Variants in ANGEL2 observed in about 807,000 individuals in gnomAD.
ANGEL2 encodes the protein RNA 2',3'-cyclic phosphatase ANGEL2.
Under a neutral mutation model 66.0 loss-of-function variants are expected in ANGEL2, and 41 were observed. That is an observed-to-expected ratio of 0.62 (90% confidence interval 0.48 to 0.81). The LOEUF is 0.81. Among genes scored for constraint, ANGEL2 ranks in the 30% least tolerant of loss-of-function variants. ANGEL2 has a pLI of 0.00. For missense variants in ANGEL2, 561 were observed against 641.6 expected (o/e 0.87, Z 1.36); for synonymous variants, 208 against 226.5 (o/e 0.92, Z 0.73).
At chr1:213,014,955 C>A (rs1272918335) in intron 1 of ANGEL2, among the ~76,000 whole-genome samples, 1 of 152,194 alleles carries the variant, frequency 6.6e-6, no homozygotes, top group Non-Finnish European at 1.5e-5. Context: ...AAAACATAAT[C>A]GCACATCAAA....
chr1:213,009,853 C>G (rs1162724944), intron 2 of ANGEL2, among the ~76,000 whole-genome samples: 2 of 151,676 alleles, frequency 1.3e-5, no homozygotes, highest in Non-Finnish European at 2.9e-5. Flanking sequence ...GAGTTCGAGA[C>G]CAGCCTGGCC....
At chr1:212,996,774 C>T (rs1322583840) in intron 8 of ANGEL2, among the ~76,000 whole-genome samples, 1 of 150,442 alleles carries the variant, frequency 6.6e-6, no homozygotes, top group Admixed American at 6.7e-5. Context: ...CAGGACGCCT[C>T]GGTAAAATTT....
intron 1 of ANGEL2, chr1:213,015,276 G>C (rs1178993200): frequency 2.8e-5 from 33 of 1,168,370 alleles, no homozygotes; most frequent in Non-Finnish European, 3.4e-5. Context: ...ACGGTGCTGC[G>C]GAGTGTGTGG....
At chr1:213,011,275 AGGCCTGATCAGG>A (rs2076502029) in intron 2 of ANGEL2, 2 of 1,284,522 alleles carry the variant, frequency 1.6e-6, no homozygotes, top group Non-Finnish European at 2.0e-6. Flanking sequence ...AGTAAGCAAT[AGGCCTGATCAGG>A]TTTTTAGGGT....
chr1:213,008,388 T>A lies in ANGEL2; in HGVS notation c.464A>T (p.Asp155Val). ...GTTCTCACTGTCTTCACATTTGGGA[T>A]CAACATTTTTGTCTCCTAGGATCTT... ...KTKILGDKNVDPKCEDSENKF... is the reference protein window; with the variant it reads ...KTKILGDKNVVPKCEDSENKF... Residue 155 changes from aspartate (D) to valine (V), a missense_variant, in exon 3 of 9, where the codon GAT becomes GTT. Transcript: ENST00000366962. 2 of 1,614,190 alleles carry A rather than the reference T, an allele frequency of 1.2e-6. No homozygotes were observed. Among genetic ancestry groups the A allele is most frequent in the Non-Finnish European group, 1.7e-6 (2 of 1,180,022 alleles).
chr1:213,015,449 T>A (rs2076618432), intron 1 of ANGEL2, 164 bp downstream of exon 1: 2 of 1,433,928 alleles, frequency 1.4e-6, no homozygotes, highest in South Asian at 1.5e-5. Flanking sequence ...CTATCCCGCT[T>A]GGTCTCTGGA....
At chr1:213,000,488 T>C (rs2076148196) in intron 6 of ANGEL2, 105 bp from the exon 7 acceptor site, 4 of 1,008,732 alleles carry the variant, frequency 4.0e-6, no homozygotes, top group Non-Finnish European at 5.8e-6. Context: ...GTTAGAAAGA[T>C]GCCTAGTTAC....
Position 213,015,625 on chromosome 1 carries a change from ACCACACAG to A in ANGEL2, c.39_46del (p.Cys14GlyfsTer37). ...CAGCCCTACTGACCGGCCTCTTCCC[ACCACACAG>A]TGGCCGTAGCCCTTCCTCACACAGC... On this transcript the variant is annotated frameshift_variant, in exon 1 of 9. Transcript: ENST00000366962. LOFTEE classifies it high-confidence loss of function. The A allele has an allele frequency of 6.3e-7, 1 of 1,575,256 alleles. No individual in the cohort carries two copies. The highest frequency in any genetic ancestry group is 8.6e-7 in the Non-Finnish European group (1 of 1,163,154).
intron 3 of ANGEL2, 94 bp from the exon 4 acceptor site, chr1:213,007,292 A>G (rs1217079606): frequency 1.1e-6 from 1 of 923,908 alleles, no homozygotes; most frequent in Non-Finnish European, 1.6e-6. Flanking sequence ...GCAGGCTTCT[A>G]AAATTCCACA....
intron 3 of ANGEL2, 57 bp downstream of exon 3, chr1:213,008,153 T>C: frequency 6.4e-7 from 1 of 1,559,300 alleles, no homozygotes; most frequent in East Asian, 2.3e-5. Context: ...CATGAGCCAG[T>C]GTGCCCGGCC....
intron 4 of ANGEL2, chr1:213,006,756 C>A (rs1415997382): frequency 5.4e-6 from 1 of 185,680 alleles, no homozygotes; most frequent in African/African-American, 2.4e-5. Context: ...AATTATACAC[C>A]AACACAAAAG....
At chr1:212,996,045 C>T (rs955969052) in intron 8 of ANGEL2, among the ~76,000 whole-genome samples, 10 of 152,184 alleles carry the variant, frequency 6.6e-5, no homozygotes, top group South Asian at 2.1e-4. Flanking sequence ...CAGTGGCTCA[C>T]GCCTGTAATC....
intron 2 of ANGEL2, chr1:213,011,350 A>G: frequency 2.5e-6 from 3 of 1,198,236 alleles, no homozygotes; most frequent in African/African-American, 1.6e-5. Flanking sequence ...ATACCACTTT[A>G]AAGTGATAGG....
At chr1:213,001,727 A>G (rs1026314462) in intron 5 of ANGEL2, 1 of 152,244 alleles carries the variant, frequency 6.6e-6, no homozygotes, top group African/African-American at 2.4e-5. Flanking sequence ...TTTATGTAAC[A>G]TTTAAAATCC....
Position 213,008,398 on chromosome 1 carries a change from T to C in ANGEL2, c.454A>G (p.Lys152Glu). The change falls in exon 3 of 9, where the codon AAA (lysine) becomes GAA (glutamate). Residue 152 changes from lysine to glutamate, a missense_variant. Physicochemically the swap from Lys to Glu is moderately conservative, Grantham distance 56. Transcript: ENST00000366962. ...DKEKTKILGDKNVDPKCEDSE... is the reference protein window; with the variant it reads ...DKEKTKILGDENVDPKCEDSE... ...TCTTCACATTTGGGATCAACATTTT[T>C]GTCTCCTAGGATCTTCGTTTTTTCT... is the stretch of plus-strand genomic sequence containing the variant. The C allele has an allele frequency of 6.2e-7, 1 of 1,614,162 alleles. No individual in the cohort carries two copies. The highest frequency in any genetic ancestry group is 8.5e-7 in the Non-Finnish European group (1 of 1,180,014).
At position 212,994,205 on chromosome 1, in the gene ANGEL2, C is replaced by T. The variant is rs754642999; in HGVS notation, c.*836G>A. 1 of 152,138 alleles carries T rather than the reference C, an allele frequency of 6.6e-6. No individual in the cohort carries two copies. The highest frequency in any genetic ancestry group is 1.5e-5 in the Non-Finnish European group (1 of 68,082). 9.4% of individuals were successfully genotyped at this position (152,138 alleles called of 1,614,324 possible). ...CTGAGGCAGGAGAATCGCTTGAGCC[C>T]GGGAGGCAGGGGTTGCAGTGAGCAA... On this transcript the variant is annotated 3_prime_UTR_variant, in exon 9 of 9. Coordinates refer to ENST00000366962, the MANE Select transcript of ANGEL2 (RefSeq NM_144567.5).
At chr1:213,015,239 C>T in intron 1 of ANGEL2, 1 of 1,073,386 alleles carries the variant, frequency 9.3e-7, no homozygotes, top group Non-Finnish European at 1.1e-6. Flanking sequence ...GGAGAGGCGG[C>T]CTCCCCGCCG....
chr1:213,008,296 G>T lies in ANGEL2; in HGVS notation c.556C>A (p.Leu186Ile). 1 of 1,614,130 alleles carries T rather than the reference G, an allele frequency of 6.2e-7. No homozygotes were observed. The highest frequency in any genetic ancestry group is 8.5e-7 in the Non-Finnish European group (1 of 1,179,984). The change falls in exon 3 of 9, where the codon CTT (leucine) becomes ATT (isoleucine). Residue 186 changes from leucine (L) to isoleucine (I), a missense_variant. Transcript: ENST00000366962. ...ACTGGCCGCCGGCAATGTCTATAAAGGTGAGAGTTATCTTCCAGTAAATCT... is the reference window on the plus strand; with the variant it reads ...ACTGGCCGCCGGCAATGTCTATAAATGTGAGAGTTATCTTCCAGTAAATCT... ...SQDLLEDNSH[L>I]YRHCRRPVLH...
Position 213,005,153 on chromosome 1 carries a change from C to T in ANGEL2, c.1014G>A (p.Gln338=). 6.2e-7 allele frequency: 1 copy of T among 1,614,206 alleles called. No individual in the cohort carries two copies. The change falls in exon 5 of 9, where the codon CAG becomes CAA. Residue 338 remains glutamine (Q), a synonymous_variant. Coordinates refer to ENST00000366962, the MANE Select transcript of ANGEL2 (RefSeq NM_144567.5). ...LLAEISSVAH[Q]KDGSFCPIVM... is the part of the protein sequence containing the mutation. ...CAATAGGGCAGAAGCTGCCATCTTT[C>T]TGGTGGGCAACACTGGAAATCTCTG...
Sources: allele counts gnomAD v4.1 joint callset (sites outside exome capture counted in the v4.1 genomes callset), GRCh38; gene constraint gnomAD v4.1.1; transcripts MANE v1.5; gene names NCBI Gene and HGNC (gene_info 2026-07-23, HGNC 2026-07-21).